Variants in SMAD2 observed in about 807,000 individuals in gnomAD.
SMAD2 encodes the protein SMAD family member 2.
In SMAD2, 8 loss-of-function variants were observed where a neutral mutation model predicts 64.4. The observed-to-expected ratio is 0.12, with a 90% CI of 0.07 to 0.22. SMAD2 has a LOEUF of 0.22. Ranked by LOEUF, SMAD2 falls within the 10% of genes least tolerant of loss-of-function variation. The pLI is 1.00. For synonymous variants in SMAD2, 203 were observed against 195.8 expected, an observed-to-expected ratio of 1.04 and a Z score of -0.31; for missense variants, 289 against 561.2, an observed-to-expected ratio of 0.51 and a Z score of 4.90.
intron 3 of SMAD2, among the ~76,000 whole-genome samples, chr18:47,870,027 G>A (rs1032928446): frequency 6.6e-6 from 1 of 151,882 alleles, no homozygotes; most frequent in Non-Finnish European, 1.5e-5. Context: ...AAAATGAAGT[G>A]ATTAAAAAAA....
At chr18:47,869,467 G>C (rs768791471) in intron 3 of SMAD2, 31 bp from the exon 4 acceptor site, 1 of 1,471,972 alleles carries the variant, frequency 6.8e-7, no homozygotes, top group South Asian at 1.2e-5. Context: ...AAGAAAGGAG[G>C]GAACTTTAAA....
Position 47,819,964 on chromosome 18 carries a change from G to C in SMAD2, c.*21863C>G, listed in dbSNP as rs1409257364. The C allele has an allele frequency of 6.6e-6, 1 of 151,752 alleles. No homozygotes were observed. The highest frequency in any genetic ancestry group is 2.4e-5 in the African/African-American group (1 of 41,226). The allele number at this position is 151,752 out of a possible 1,614,324, so 9.4% of individuals were successfully genotyped here. On this transcript the variant is annotated 3_prime_UTR_variant, in exon 11 of 11. Coordinates refer to ENST00000262160, the MANE Select transcript of SMAD2 (RefSeq NM_005901.6). ...TGCAGTGTGCTACAATTGTGCCTGTGAACAGCCACTGAACTCCAGCCTGGG... is the reference window on the plus strand; with the variant it reads ...TGCAGTGTGCTACAATTGTGCCTGTCAACAGCCACTGAACTCCAGCCTGGG...
In SMAD2 at chr18:47,827,820, C is replaced by T. The variant is rs556252341; in HGVS notation, c.*14007G>A. ...AGGCTGGAGTGCAGTGGCACGATCT[C>T]GGCTCGCTACAACCTCCACCTCCCA... On this transcript the variant is annotated 3_prime_UTR_variant, in exon 11 of 11. Transcript: ENST00000262160. 10 of 192,082 alleles carry T rather than the reference C, an allele frequency of 5.2e-5. No homozygotes were observed. Among genetic ancestry groups the T allele is most frequent in the Non-Finnish European group, 7.3e-5 (7 of 95,386 alleles). 11.9% of individuals were successfully genotyped at this position (192,082 alleles called of 1,614,324 possible). A position where few individuals can be genotyped will look rare whatever the true frequency, so the allele number is the denominator to read the frequency against.
rs2034013697 is a variant in SMAD2, at chr18:47,908,942, G to A, written c.-53-12133C>T. 2.0e-5 allele frequency among the ~76,000 whole-genome samples: 3 copies of A among 151,974 alleles called. No homozygotes were observed. In the South Asian group the frequency reaches 6.2e-4, roughly 31 times the overall value. ...CTAGTGATGCTGACAGTGCTCCCAA[G>A]AAGCAGAGAAAAATCATGACATTAC... On this transcript the variant is annotated intron_variant, in intron 1 of 10. Coordinates refer to ENST00000262160, the MANE Select transcript of SMAD2 (RefSeq NM_005901.6).
chr18:47,835,225 GA>G lies in SMAD2; in HGVS notation c.*6601del, dbSNP rs149528231. 776 of 219,728 alleles carry G rather than the reference GA, an allele frequency of 3.5e-3. 8 individuals are homozygous for G. The highest frequency in any genetic ancestry group is 0.016 in the African/African-American group (701 of 44,684). 13.6% of individuals were successfully genotyped at this position (219,728 alleles called of 1,614,324 possible). A position where few individuals can be genotyped will look rare whatever the true frequency, so the allele number is the denominator to read the frequency against. On this transcript the variant is annotated 3_prime_UTR_variant, in exon 11 of 11. Coordinates refer to ENST00000262160, the MANE Select transcript of SMAD2 (RefSeq NM_005901.6). ...GAGGTGTGAGGTTACACTGGTCTAA[GA>G]AAGTACCAATTTGGGTTCTATATTT...
At chr18:47,909,518 G>C (rs1473333075) in intron 1 of SMAD2, among the ~76,000 whole-genome samples, 2 of 152,094 alleles carry the variant, frequency 1.3e-5, no homozygotes, top group African/African-American at 2.4e-5. Flanking sequence ...CTGCCACAAA[G>C]GACATTTATT....
intron 1 of SMAD2, among the ~76,000 whole-genome samples, chr18:47,915,511 T>A (rs1392523403): frequency 1.3e-5 from 2 of 152,176 alleles, no homozygotes; most frequent in African/African-American, 4.8e-5. Context: ...GTATATATCA[T>A]TTTATACCAT....
chr18:47,907,068 A>G (rs2144504712), intron 1 of SMAD2, among the ~76,000 whole-genome samples: 1 of 152,344 alleles, frequency 6.6e-6, no homozygotes, highest in East Asian at 1.9e-4. Context: ...TACCACATCA[A>G]GCAACTAGAA....
chr18:47,840,506 T>C lies in SMAD2; in HGVS notation c.*1321A>G, dbSNP rs1016261797. On this transcript the variant is annotated 3_prime_UTR_variant, in exon 11 of 11. Transcript: ENST00000262160. The stretch of plus-strand genomic sequence containing the variant: ...GCAGGTAACTTATAAGCTAAAAAAC[T>C]TGCTAAATAAATGGCTTTTCCCCCA... 4 of 232,494 alleles carry C rather than the reference T, an allele frequency of 1.7e-5. No homozygotes were observed. The highest frequency in any genetic ancestry group is 2.2e-5 in the African/African-American group (1 of 45,308). 14.4% of individuals were successfully genotyped at this position (232,494 alleles called of 1,614,324 possible).
Position 47,929,807 on chromosome 18 carries a change from C to T in SMAD2, c.-54+554G>A, listed in dbSNP as rs1231627621. Reference sequence around the variant, plus strand: ...AATTTTAAAAACCAAGTTTGAAATACGAGAAATCACTTCGAGGGCTTTCCA... The same window carrying T: ...AATTTTAAAAACCAAGTTTGAAATATGAGAAATCACTTCGAGGGCTTTCCA... On this transcript the variant is annotated intron_variant, in intron 1 of 10. Transcript: ENST00000262160. 4.6e-5 allele frequency among the ~76,000 whole-genome samples: 7 copies of T among 152,122 alleles called. No individual in the cohort carries two copies. In the East Asian group the frequency reaches 1.3e-3, roughly 29 times the overall value.
intron 6 of SMAD2, among the ~76,000 whole-genome samples, chr18:47,856,892 C>G (rs1023782343): frequency 1.5e-5 from 2 of 130,668 alleles, no homozygotes; most frequent in Non-Finnish European, 3.1e-5. Context: ...GAGTCTCGCT[C>G]TGTCGCCCAG....
intron 7 of SMAD2, among the ~76,000 whole-genome samples, chr18:47,850,245 A>ATATG (rs1915038947): frequency 1.2e-5 from 1 of 84,108 alleles, no homozygotes; most frequent in East Asian, 3.6e-4. Flanking sequence ...TATATTATAT[A>ATATG]TTATATATAT....
intron 1 of SMAD2, 100 bp from the exon 2 acceptor site, chr18:47,896,909 T>C: frequency 4.4e-6 from 5 of 1,123,624 alleles, no homozygotes; most frequent in Middle Eastern, 2.1e-4. Flanking sequence ...AGATAGAAAT[T>C]CGAATTATGA....
chr18:47,811,686 T>C lies in SMAD2; in HGVS notation c.*30141A>G, dbSNP rs1354739119. On this transcript the variant is annotated 3_prime_UTR_variant, in exon 11 of 11. Coordinates refer to ENST00000262160, the MANE Select transcript of SMAD2 (RefSeq NM_005901.6). ...TCACAAAACAGACAATGAGAGCAGC[T>C]GATCAAAATGGAACCCTATGAAAGG... The C allele has an allele frequency of 6.6e-6, 1 of 152,082 alleles. No homozygotes were observed. Among genetic ancestry groups the C allele is most frequent in the Non-Finnish European group, 1.5e-5 (1 of 68,034 alleles). The allele number at this position is 152,082 out of a possible 1,614,324, so 9.4% of individuals were successfully genotyped here. A position where few individuals can be genotyped will look rare whatever the true frequency, so the allele number is the denominator to read the frequency against.
At chr18:47,876,271 T>C (rs1007249490) in intron 2 of SMAD2, among the ~76,000 whole-genome samples, 5 of 152,158 alleles carry the variant, frequency 3.3e-5, no homozygotes, top group East Asian at 1.9e-4. Flanking sequence ...TCAGCAAAAA[T>C]TGGTCTCATA....
At chr18:47,928,813 C>G (rs1311924658) in intron 1 of SMAD2, among the ~76,000 whole-genome samples, 1 of 152,162 alleles carries the variant, frequency 6.6e-6, no homozygotes, top group East Asian at 1.9e-4. Flanking sequence ...CCAAAATGAA[C>G]GTTTCCAATC....
In SMAD2 at chr18:47,836,605, G is replaced by A. The variant is rs1159841069; in HGVS notation, c.*5222C>T. ...CCCCAACTGTTAAGTTTGTCTATGA[G>A]TGTATATGTATATATAAATTCATAC... On this transcript the variant is annotated 3_prime_UTR_variant, in exon 11 of 11. Transcript: ENST00000262160. 1.4e-5 allele frequency: 3 copies of A among 213,882 alleles called. No homozygotes were observed. Among genetic ancestry groups the A allele is most frequent in the Non-Finnish European group, 2.8e-5 (3 of 106,008 alleles). The allele number at this position is 213,882 out of a possible 1,614,324, so 13.2% of individuals were successfully genotyped here.
intron 2 of SMAD2, among the ~76,000 whole-genome samples, chr18:47,887,519 G>A (rs1413286720): frequency 6.6e-6 from 1 of 152,158 alleles, no homozygotes; most frequent in East Asian, 1.9e-4. Flanking sequence ...AACTTCTCAG[G>A]CTTGTCTGCT....
chr18:47,845,132 C>G lies in SMAD2; in HGVS notation c.1280+208G>C, dbSNP rs141393671. On this transcript the variant is annotated intron_variant, in intron 10 of 10. Coordinates refer to ENST00000262160, the MANE Select transcript of SMAD2 (RefSeq NM_005901.6). The stretch of plus-strand genomic sequence containing the variant: ...ACTCTGAATTACGTTAAAATGCACG[C>G]CTGTGCATGTTTTAATATCTTCCAT... 1.3e-4 allele frequency: 84 copies of G among 644,382 alleles called. No homozygotes were observed. The African/African-American group carries it at 1.5e-3, about 11-fold the overall frequency. 39.9% of individuals were successfully genotyped at this position (644,382 alleles called of 1,614,324 possible).
Sources: gnomAD v4.1 joint callset for allele counts (sites outside exome capture counted in the v4.1 genomes callset) on GRCh38, gnomAD v4.1.1 for gene constraint, MANE v1.5 for transcripts, NCBI Gene and HGNC (gene_info 2026-07-23, HGNC 2026-07-21) for gene names.